The following CARMIL1 variants were observed in gnomAD, a reference collection of about 807,000 sequenced individuals.
CARMIL1 encodes capping protein regulator and myosin 1 linker 1, also known as F-actin-uncapping protein LRRC16A.
Under a neutral mutation model 177.1 loss-of-function variants are expected in CARMIL1, and 90 were observed. That is an observed-to-expected ratio of 0.51 (90% CI 0.43 to 0.61). CARMIL1 has a LOEUF of 0.61. Ranked by LOEUF, CARMIL1 falls within the 20% of genes least tolerant of loss-of-function variation. The pLI, the probability that CARMIL1 is intolerant of heterozygous loss-of-function variation, is 0.00. For synonymous variants in CARMIL1, 577 were observed against 606.2 expected, an observed-to-expected ratio of 0.95 and a Z score of 0.71; for missense variants, 1,380 against 1,667.0, an observed-to-expected ratio of 0.83 and a Z score of 3.00.
At chr6:25,434,472 T>C (rs1372659330) in intron 4 of CARMIL1, among the ~76,000 whole-genome samples, 1 of 152,024 alleles carries the variant, frequency 6.6e-6, no homozygotes, top group Admixed American at 6.6e-5. Context: ...ATTAACGTGT[T>C]ACCTTAATAT....
In CARMIL1 at chr6:25,620,419, A is replaced by C. The variant is rs1027656429; in HGVS notation, c.*836A>C. ...AGAGAATACTTTGACACCTGTAAAA[A>C]TCAAAATACTACTCTTTATAAGACA... On this transcript the variant is annotated 3_prime_UTR_variant, in exon 37 of 37. Transcript: ENST00000329474. The C allele has an allele frequency of 6.6e-6, 1 of 152,250 alleles. No homozygotes were observed. Among genetic ancestry groups the C allele is most frequent in the African/African-American group, 2.4e-5 (1 of 41,466 alleles). 9.4% of individuals were successfully genotyped at this position (152,250 alleles called of 1,614,324 possible).
chr6:25,477,265 A>C (rs191181407), intron 11 of CARMIL1, among the ~76,000 whole-genome samples: 43 of 152,232 alleles, frequency 2.8e-4, no homozygotes, highest in Non-Finnish European at 5.4e-4. Flanking sequence ...GTATGATATG[A>C]ATGTTGATGC....
intron 29 of CARMIL1, among the ~76,000 whole-genome samples, chr6:25,566,057 C>T (rs1213202695): frequency 6.6e-6 from 1 of 152,206 alleles, no homozygotes; most frequent in East Asian, 1.9e-4. Flanking sequence ...GCCTCAATCT[C>T]TCTTGTTCTT....
chr6:25,495,550 TG>T (rs1437357276), intron 16 of CARMIL1, among the ~76,000 whole-genome samples: 2 of 147,928 alleles, frequency 1.4e-5, no homozygotes, highest in Non-Finnish European at 3.0e-5. Flanking sequence ...TGTGTGTGTG[TG>T]TGTGTGTGTG....
intron 12 of CARMIL1, among the ~76,000 whole-genome samples, chr6:25,482,963 A>T (rs569375608): frequency 5.9e-5 from 9 of 151,724 alleles, no homozygotes; most frequent in South Asian, 2.1e-4. Flanking sequence ...ATGCCTGAAA[A>T]TTTTTTTTTA....
At chr6:25,488,371 G>A in intron 12 of CARMIL1, 111 bp from the exon 13 acceptor site, 1 of 809,526 alleles carries the variant, frequency 1.2e-6, no homozygotes, top group Non-Finnish European at 2.2e-6. Flanking sequence ...CAGTGCTCAT[G>A]GTTAACCTCA....
chr6:25,486,367 G>A (rs1802657312), intron 12 of CARMIL1, among the ~76,000 whole-genome samples: 1 of 152,162 alleles, frequency 6.6e-6, no homozygotes, highest in African/African-American at 2.4e-5. Context: ...CTATTCAGAT[G>A]TTGGACAACT....
intron 2 of CARMIL1, among the ~76,000 whole-genome samples, chr6:25,408,043 CAA>C (rs1362744990): frequency 1.3e-5 from 2 of 152,044 alleles, no homozygotes; most frequent in African/African-American, 2.4e-5. Context: ...GACTATAATC[CAA>C]ACACTTTGTG....
chr6:25,563,070 T>C, intron 29 of CARMIL1: 1 of 236,016 alleles, frequency 4.2e-6, no homozygotes, highest in Non-Finnish European at 6.9e-6. Flanking sequence ...TGAATTTTAA[T>C]TTTAACTGAG....
At chr6:25,568,344 A>G (rs987695579) in intron 29 of CARMIL1, among the ~76,000 whole-genome samples, 4 of 152,262 alleles carry the variant, frequency 2.6e-5, no homozygotes, top group Non-Finnish European at 4.4e-5. Flanking sequence ...TTAAGAGGAA[A>G]GAAAACCTGA....
chr6:25,318,844 G>A (rs1030061169), intron 2 of CARMIL1, among the ~76,000 whole-genome samples: 1 of 152,116 alleles, frequency 6.6e-6, no homozygotes, highest in African/African-American at 2.4e-5. Context: ...TGTTTGCCCT[G>A]GTTTGTGAGG....
intron 23 of CARMIL1, chr6:25,527,799 G>A: frequency 6.5e-6 from 2 of 308,896 alleles, no homozygotes; most frequent in South Asian, 5.7e-5. Context: ...GTTTCTAATT[G>A]ATATTAAGTA....
At chr6:25,563,315 C>T in intron 29 of CARMIL1, 2 of 985,374 alleles carry the variant, frequency 2.0e-6, no homozygotes, top group South Asian at 4.7e-5. Context: ...GATCAAATCC[C>T]TTTGGGATGA....
At chr6:25,519,407 T>G (rs948795896) in intron 22 of CARMIL1, among the ~76,000 whole-genome samples, 7 of 152,144 alleles carry the variant, frequency 4.6e-5, no homozygotes, top group Admixed American at 4.6e-4. Context: ...GTGTTAATGG[T>G]CATCTGAGCA....
chr6:25,323,119 C>T (rs1003808128), intron 2 of CARMIL1, among the ~76,000 whole-genome samples: 2 of 152,018 alleles, frequency 1.3e-5, no homozygotes, highest in African/African-American at 4.8e-5. Context: ...AGCCTGCTCT[C>T]TAGGTAGTTC....
chr6:25,556,894 C>T (rs1735662915), intron 29 of CARMIL1, 44 bp downstream of exon 29: 12 of 1,527,406 alleles, frequency 7.9e-6, no homozygotes, highest in Non-Finnish European at 1.1e-5. Flanking sequence ...TTTCACTGGA[C>T]TGTGCCATTG....
intron 2 of CARMIL1, among the ~76,000 whole-genome samples, chr6:25,336,663 A>G (rs916365549): frequency 4.6e-5 from 7 of 152,202 alleles, no homozygotes; most frequent in Non-Finnish European, 1.0e-4. Context: ...TTAAGCCTGG[A>G]AAACCAGTAT....
At chr6:25,556,587 C>T in intron 28 of CARMIL1, 114 bp from the exon 29 acceptor site, 1 of 849,256 alleles carries the variant, frequency 1.2e-6, no homozygotes, top group Non-Finnish European at 1.8e-6. Context: ...GTCCTTGTCA[C>T]TCGTCAGCTT....
At chr6:25,312,980 G>C (rs984363852) in intron 2 of CARMIL1, among the ~76,000 whole-genome samples, 5 of 151,046 alleles carry the variant, frequency 3.3e-5, no homozygotes, top group Non-Finnish European at 7.4e-5. Context: ...TTCCCTTTCT[G>C]AGTTGTAAAA....
Sources: allele counts gnomAD v4.1 joint callset (sites outside exome capture counted in the v4.1 genomes callset), GRCh38; gene constraint gnomAD v4.1.1; transcripts MANE v1.5; gene names NCBI Gene and HGNC (gene_info 2026-07-23, HGNC 2026-07-21).